CIDEA: variants seen among roughly 807,000 people sequenced by gnomAD.
CIDEA encodes lipid transferase CIDEA.
A neutral mutation model predicts 18.2 loss-of-function variants in CIDEA; 10 were observed. That is an observed-to-expected ratio of 0.55 (90% CI 0.34 to 0.93). The LOEUF (loss-of-function observed/expected upper bound fraction) is 0.93, where lower values mean the gene tolerates loss of function less well. Ranked by LOEUF, CIDEA falls within the 40% of genes least tolerant of loss-of-function variation. The pLI is 0.02. For synonymous variants in CIDEA, 128 were observed against 124.8 expected, an observed-to-expected ratio of 1.03 and a Z score of -0.17; for missense variants, 309 against 293.1, an observed-to-expected ratio of 1.05 and a Z score of -0.40.
chr18:12,272,169 GGGGTT>G (rs1295131587), intron 3 of CIDEA, among the ~76,000 whole-genome samples: 14 of 11,134 alleles, frequency 1.3e-3, no homozygotes, highest in African/African-American at 1.9e-3. Flanking sequence ...GGGTTGGGGG[GGGGTT>G]GTTGTTGTTG....
intron 1 of CIDEA, among the ~76,000 whole-genome samples, chr18:12,256,542 C>G (rs962617017): frequency 1.3e-5 from 2 of 152,248 alleles, no homozygotes; most frequent in Non-Finnish European, 2.9e-5. Flanking sequence ...CTATCACAGA[C>G]AAAGTCTGCT....
At chr18:12,267,313 C>T (rs1170411733) in intron 3 of CIDEA, among the ~76,000 whole-genome samples, 2 of 152,192 alleles carry the variant, frequency 1.3e-5, no homozygotes, top group African/African-American at 4.8e-5. Context: ...CACACGTGTG[C>T]CCAGCACATA....
intron 3 of CIDEA, among the ~76,000 whole-genome samples, chr18:12,273,515 C>T (rs893648324): frequency 6.6e-6 from 1 of 152,326 alleles, no homozygotes; most frequent in African/African-American, 2.4e-5. Flanking sequence ...GGTCTCCTCC[C>T]ACCCAGGGGT....
At chr18:12,271,616 T>C (rs1406524257) in intron 3 of CIDEA, among the ~76,000 whole-genome samples, 3 of 152,148 alleles carry the variant, frequency 2.0e-5, no homozygotes, top group Non-Finnish European at 4.4e-5. Flanking sequence ...GAGGAGTTGG[T>C]GGTGGGCGCT....
chr18:12,267,859 T>C (rs942301703), intron 3 of CIDEA, among the ~76,000 whole-genome samples: 2 of 151,998 alleles, frequency 1.3e-5, no homozygotes, highest in African/African-American at 4.8e-5. Context: ...CTTTGTCCCT[T>C]GGGGGACATT....
chr18:12,259,871 C>T (rs896854818), intron 1 of CIDEA, among the ~76,000 whole-genome samples: 3 of 152,058 alleles, frequency 2.0e-5, no homozygotes, highest in Non-Finnish European at 2.9e-5. Context: ...CAAAAACAAA[C>T]AAACAAAAAT....
intron 4 of CIDEA, among the ~76,000 whole-genome samples, chr18:12,276,759 A>G (rs1019866803): frequency 5.3e-5 from 8 of 152,248 alleles, no homozygotes; most frequent in African/African-American, 1.9e-4. Flanking sequence ...GAAGCCCAGG[A>G]CACAGCACAC....
At chr18:12,275,191 C>G (rs532875560) in intron 4 of CIDEA, among the ~76,000 whole-genome samples, 1 of 152,106 alleles carries the variant, frequency 6.6e-6, no homozygotes, top group Admixed American at 6.5e-5. Context: ...GGCGTGGTGG[C>G]GGATGCCTGT....
At chr18:12,268,819 A>C (rs1441517301) in intron 3 of CIDEA, among the ~76,000 whole-genome samples, 2 of 151,856 alleles carry the variant, frequency 1.3e-5, no homozygotes, top group Non-Finnish European at 2.9e-5. Flanking sequence ...AATACAGATT[A>C]ACTTAACTCA....
chr18:12,258,373 C>G (rs1319723524), intron 1 of CIDEA, among the ~76,000 whole-genome samples: 1 of 152,206 alleles, frequency 6.6e-6, no homozygotes, highest in African/African-American at 2.4e-5. Flanking sequence ...GCCAGGGCTG[C>G]GCCTTTGACC....
At chr18:12,263,155 C>T (rs1243091684) in intron 2 of CIDEA, among the ~76,000 whole-genome samples, 186 bp downstream of exon 2, 2 of 152,196 alleles carry the variant, frequency 1.3e-5, no homozygotes, top group Non-Finnish European at 2.9e-5. Context: ...TTTTCTTTTT[C>T]TGTTTTTGAG....
At chr18:12,264,720 A>C (rs1912302019) in intron 3 of CIDEA, among the ~76,000 whole-genome samples, 1 of 151,960 alleles carries the variant, frequency 6.6e-6, no homozygotes, top group Non-Finnish European at 1.5e-5. Flanking sequence ...CGCCTGGCTA[A>C]CTTTTTGTAT....
chr18:12,272,139 AGTGT>A (rs1306706787), intron 3 of CIDEA, among the ~76,000 whole-genome samples: 142 of 8,484 alleles, frequency 0.017, 3 homozygotes, highest in African/African-American at 0.048. Flanking sequence ...CTCAGCTTTG[AGTGT>A]GTGTGTGGGG....
intron 4 of CIDEA, among the ~76,000 whole-genome samples, chr18:12,276,246 G>A (rs751173435): frequency 4.0e-5 from 6 of 151,666 alleles, no homozygotes; most frequent in Admixed American, 2.0e-4. Flanking sequence ...CACCCACCTC[G>A]GTCTCCAAAA....
intron 3 of CIDEA, among the ~76,000 whole-genome samples, chr18:12,272,819 A>C (rs997260896): frequency 6.6e-6 from 1 of 151,372 alleles, no homozygotes; most frequent in Non-Finnish European, 1.5e-5. Context: ...GCACAATCAT[A>C]GCTCACTGCA....
At chr18:12,273,942 G>A (rs915126327) in intron 3 of CIDEA, 151 bp from the exon 4 acceptor site, 10 of 775,020 alleles carry the variant, frequency 1.3e-5, no homozygotes, top group Middle Eastern at 7.7e-4. Context: ...AATGGGTCCT[G>A]CTGAAAGCAT....
At chr18:12,264,772 C>G (rs944100768) in intron 3 of CIDEA, among the ~76,000 whole-genome samples, 1 of 151,946 alleles carries the variant, frequency 6.6e-6, no homozygotes, top group African/African-American at 2.4e-5. Flanking sequence ...CCAGGATGGT[C>G]TCGATCTCCT....
In CIDEA at chr18:12,266,114, C is replaced by T. The variant is rs187535420; in HGVS notation, c.330+1661C>T. Among the ~76,000 whole-genome samples, 387 of 152,206 alleles carry T rather than the reference C, an allele frequency of 2.5e-3. 5 individuals carry two copies. The highest frequency in any genetic ancestry group is 0.023 in the Admixed American group (347 of 15,278). ...GGCAAGATGCTACACACCTGAAGTCCTAGCTACTCAGGAGGCTGAGGCAGG... is the reference window on the plus strand; with the variant it reads ...GGCAAGATGCTACACACCTGAAGTCTTAGCTACTCAGGAGGCTGAGGCAGG... On this transcript the variant is annotated intron_variant, in intron 3 of 4. Coordinates refer to ENST00000320477, the MANE Select transcript of CIDEA (RefSeq NM_001279.4).
intron 3 of CIDEA, among the ~76,000 whole-genome samples, chr18:12,272,369 T>C (rs1024375081): frequency 4.6e-5 from 7 of 152,132 alleles, no homozygotes; most frequent in East Asian, 3.9e-4. Flanking sequence ...TGCACCACCA[T>C]GCCTGGCTAA....
Sources: gnomAD v4.1 joint callset for allele counts (sites outside exome capture counted in the v4.1 genomes callset) on GRCh38, gnomAD v4.1.1 for gene constraint, MANE v1.5 for transcripts, NCBI Gene and HGNC (gene_info 2026-07-23, HGNC 2026-07-21) for gene names.